Variants in SLC4A11 observed in about 807,000 individuals in gnomAD.
The protein encoded by SLC4A11 is solute carrier family 4 member 11.
Under a neutral mutation model 95.0 loss-of-function variants are expected in SLC4A11, and 74 were observed. That is an observed-to-expected ratio of 0.78 (90% CI 0.65 to 0.95). The LOEUF (loss-of-function observed/expected upper bound fraction) is 0.95, where lower values mean the gene tolerates loss of function less well. SLC4A11 is among the 40% of genes least tolerant of loss of function. The pLI, the probability that SLC4A11 is intolerant of heterozygous loss-of-function variation, is 0.00. For missense variants in SLC4A11, 1,081 were observed against 1,192.4 expected, an observed-to-expected ratio of 0.91 and a Z score of 1.38; for synonymous variants, 548 against 519.0, an observed-to-expected ratio of 1.06 and a Z score of -0.76.
Position 3,237,926 on chromosome 20 carries a change from C to G in SLC4A11, c.44-338G>C, listed in dbSNP as rs1027796830. 1.6e-5 allele frequency: 25 copies of G among 1,550,508 alleles called. No homozygotes were observed. In the African/African-American group the frequency reaches 2.3e-4, roughly 14 times the overall value. On this transcript the variant is annotated intron_variant, in intron 1 of 19. Transcript: ENST00000642402. ...CTAATCCAGGTTTTCCTGAGAAAAC[C>G]CTGCCCCGCTGCAGCGAGAGGAAGG...
chr20:3,237,657 C>G, intron 1 of SLC4A11, 69 bp from the exon 2 acceptor site: 1 of 1,614,088 alleles, frequency 6.2e-7, no homozygotes, highest in Non-Finnish European at 8.5e-7. Flanking sequence ...GCACCTGTCT[C>G]CCCGCCCCCC....
intron 1 of SLC4A11, chr20:3,237,962 G>C (rs1360410530): frequency 1.3e-6 from 2 of 1,550,326 alleles, no homozygotes; most frequent in Non-Finnish European, 1.7e-6. Context: ...GACCGGGCCC[G>C]AGCGGGCCTC....
In SLC4A11 at chr20:3,229,454, T is replaced by A; in HGVS notation, c.1743-2A>T. 1 of 1,613,128 alleles carries A rather than the reference T, an allele frequency of 6.2e-7. No homozygotes were observed. Among genetic ancestry groups the A allele is most frequent in the South Asian group, 1.1e-5 (1 of 91,078 alleles). ...CGCACGCAGGGGTGCAGGTAGGGGCTGGGGACAGCAGGTGCATGAGCACAG... is the reference window on the plus strand; with the variant it reads ...CGCACGCAGGGGTGCAGGTAGGGGCAGGGGACAGCAGGTGCATGAGCACAG... On this transcript the variant is annotated splice_acceptor_variant, in intron 14 of 19. Transcript: ENST00000642402. LOFTEE classifies it high-confidence loss of function.
rs267605889 is a variant in SLC4A11, at chr20:3,229,634, G to A, written c.1632C>T (p.Pro544=). 7 of 1,613,492 alleles carry A rather than the reference G, an allele frequency of 4.3e-6. No individual in the cohort carries two copies. Among genetic ancestry groups the A allele is most frequent in the South Asian group, 1.1e-5 (1 of 91,074 alleles). Residue 544 remains proline, a synonymous_variant, in exon 14 of 20, where the codon CCC becomes CCT. Coordinates refer to ENST00000642402, the MANE Select transcript of SLC4A11 (RefSeq NM_001174089.2). ...AGTGTGTGGCCGAGGGCAGCTCCGTGGGGCTGGCGAGGAAGCTGGCGTTGA... is the reference window on the plus strand; with the variant it reads ...AGTGTGTGGCCGAGGGCAGCTCCGTAGGGCTGGCGAGGAAGCTGGCGTTGA... ...TALNASFLAS[P]TELPSATHSG... is the part of the protein sequence containing the mutation.
rs1425618537 is a variant in SLC4A11 at position 3,237,622 on chromosome 20, G to A, written c.44-34C>T. 3.1e-6 allele frequency: 5 copies of A among 1,613,956 alleles called. No homozygotes were observed. In the East Asian group the frequency reaches 1.1e-4, roughly 36 times the overall value. On this transcript the variant is annotated intron_variant, in intron 1 of 19. Transcript: ENST00000642402. The stretch of plus-strand genomic sequence containing the variant: ...GAAGCAGAAAGGTCACCAGCCCCAT[G>A]GACCAAGCCCTGGACCTCCTGTGTG...
chr20:3,228,305 T>C lies in SLC4A11; in HGVS notation c.2512A>G (p.Met838Val), dbSNP rs373679606. 2.0e-5 allele frequency: 33 copies of C among 1,612,826 alleles called. No individual in the cohort carries two copies. Among genetic ancestry groups the C allele is most frequent in the South Asian group, 1.8e-4 (16 of 91,066 alleles). Residue 838 changes from methionine (M) to valine (V), a missense_variant, in exon 19 of 20, where the codon ATG becomes GTG. Met to Val is a conservative substitution (Grantham distance 21, BLOSUM62 1). Transcript: ENST00000642402. ...ATGATGAGGGGAAAGATCATCTTCA[T>C]GTAGGGCAGGGAGCTCATGCCGAAG... ...CAFGMSSLPY[M>V]KMIFPLIMIA...
In SLC4A11 at chr20:3,229,551, C is replaced by T; in HGVS notation, c.1715G>A (p.Gly572Asp). Residue 572 changes from glycine to aspartate, a missense_variant, in exon 14 of 20, where the codon GGC (glycine) becomes GAC (aspartate). Gly to Asp is a moderately conservative substitution (Grantham distance 94). Coordinates refer to ENST00000642402, the MANE Select transcript of SLC4A11 (RefSeq NM_001174089.2). ...CTTCTTGAATTGGTAGAGGGTGTAG[C>T]CCAGCCAGAGCGTGCCCAGCATGAT... ...LLIMLGTLWL[G>D]YTLYQFKKSP... The T allele has an allele frequency of 6.2e-7, 1 of 1,612,794 alleles. No individual in the cohort carries two copies. Among genetic ancestry groups the T allele is most frequent in the East Asian group, 2.2e-5 (1 of 44,860 alleles).
Position 3,234,375 on chromosome 20 carries a change from G to A in SLC4A11, c.292-61C>T. The A allele has an allele frequency of 6.4e-7, 1 of 1,552,426 alleles. No individual in the cohort carries two copies. Among genetic ancestry groups the A allele is most frequent in the South Asian group, 1.1e-5 (1 of 89,428 alleles). On this transcript the variant is annotated intron_variant, in intron 4 of 19. Coordinates refer to ENST00000642402, the MANE Select transcript of SLC4A11 (RefSeq NM_001174089.2). This position sits in a 1 kb window ranked among gnomAD's most constrained non-coding sequence, Gnocchi z 5.8. ...ATGTATGAGATGCTGTCACTGCCTG[G>A]TCCCTCCCTCCCAGCCAGCCGCAGC...
intron 7 of SLC4A11, among the ~76,000 whole-genome samples, chr20:3,232,408 G>A (rs2067812266): frequency 6.6e-6 from 1 of 152,218 alleles, no homozygotes; most frequent in South Asian, 2.1e-4. Flanking sequence ...TGTAGAAGAG[G>A]CCCGTGCCTG....
Position 3,228,600 on chromosome 20 carries a change from A to C in SLC4A11, c.2300T>G (p.Val767Gly). The C allele has an allele frequency of 6.2e-7, 1 of 1,613,302 alleles. No individual in the cohort carries two copies. Among genetic ancestry groups the C allele is most frequent in the Non-Finnish European group, 8.5e-7 (1 of 1,179,958 alleles). The change falls in exon 18 of 20, where the codon GTG becomes GGG. Residue 767 changes from valine (V) to glycine (G), a missense_variant. By Grantham distance (109) the Val-to-Gly change is moderately radical. Coordinates refer to ENST00000642402, the MANE Select transcript of SLC4A11 (RefSeq NM_001174089.2). ...GATGTAGAGGAAGAGGCCATAGAGC[A>C]CGGGCTTGGGGATCCACTGAAGCGG... ...PVPLQWIPKP[V>G]LYGLFLYIAL...
intron 2 of SLC4A11, among the ~76,000 whole-genome samples, chr20:3,236,844 C>G (rs1317858708): frequency 6.6e-6 from 1 of 152,068 alleles, no homozygotes; most frequent in Non-Finnish European, 1.5e-5. Context: ...GTGCTCAGGT[C>G]CCCTAGATTA....
chr20:3,227,804 C>T lies in SLC4A11; in HGVS notation c.2611G>A (p.Ala871Thr), dbSNP rs769684269. Residue 871 changes from alanine to threonine, a missense_variant, in exon 20 of 20, where the codon GCT becomes ACT. Physicochemically the swap from Ala to Thr is moderately conservative, Grantham distance 58. Around this residue, in one of 3 missense-constraint regions of SLC4A11, gnomAD observed 767 missense variants for 858.0 expected, o/e 0.89. Transcript: ENST00000642402. ...IEAKYLDVMD[A>T]EHRP ...TCTGCCAGTCAAGGCCTGTGCTCAGCGTCCATGACATCCAAGTACTTGGCT... is the reference window on the plus strand; with the variant it reads ...TCTGCCAGTCAAGGCCTGTGCTCAGTGTCCATGACATCCAAGTACTTGGCT... The T allele has an allele frequency of 5.6e-6, 9 of 1,613,054 alleles. No homozygotes were observed. The highest frequency in any genetic ancestry group is 1.6e-4 in the Middle Eastern group (1 of 6,082).
At chr20:3,235,031 A>G in intron 2 of SLC4A11, 137 bp from the exon 3 acceptor site, 1 of 1,031,932 alleles carries the variant, frequency 9.7e-7, no homozygotes, top group Non-Finnish European at 1.5e-6. Flanking sequence ...CCCATAGGCG[A>G]GGAAGGCAGC....
At position 3,233,544 on chromosome 20, in the gene SLC4A11, G is replaced by A. The variant is rs759120547; in HGVS notation, c.699C>T (p.Phe233=). The part of the protein sequence containing the change: ...NWGENSCEVR[F]VILVLAPPKM... ...TGGGTGGGGCCAGCACCAGGATGAC[G>A]AACCGAACCTCACAGGAATTCTCCC... Residue 233 remains phenylalanine, a synonymous_variant, in exon 7 of 20, where the codon TTC becomes TTT. Coordinates refer to ENST00000642402, the MANE Select transcript of SLC4A11 (RefSeq NM_001174089.2). The A allele has an allele frequency of 8.7e-6, 14 of 1,613,712 alleles. No individual in the cohort carries two copies. Among genetic ancestry groups the A allele is most frequent in the East Asian group, 2.2e-5 (1 of 44,858 alleles).
chr20:3,229,742 G>A lies in SLC4A11; in HGVS notation c.1524C>T (p.Asp508=), dbSNP rs747443468. Residue 508 remains aspartate, a synonymous_variant, in exon 14 of 20, where the codon GAC becomes GAT. Coordinates refer to ENST00000642402, the MANE Select transcript of SLC4A11 (RefSeq NM_001174089.2). ...ATGAAGTCCTTTTTGTGTGATAGTC[G>A]TCCAAGTAATGCCCATAGTAGTACT... ...FWKYYYGHYL[D]DYHTKRTSSL... is the part of the protein sequence containing the mutation. 3.1e-6 allele frequency: 5 copies of A among 1,613,882 alleles called. No individual in the cohort carries two copies. The highest frequency in any genetic ancestry group is 4.5e-5 in the East Asian group (2 of 44,894).
chr20:3,233,895 G>C (rs374045564), intron 6 of SLC4A11, 26 bp downstream of exon 6: 3 of 1,610,446 alleles, frequency 1.9e-6, no homozygotes, highest in Non-Finnish European at 8.5e-7. Context: ...CGACAAGAAG[G>C]GGGGCCAAGT....
At position 3,238,814 on chromosome 20, in the gene SLC4A11, G is replaced by T. The variant is rs867437695; in HGVS notation, c.43+281C>A. 69 of 1,167,530 alleles carry T rather than the reference G, an allele frequency of 5.9e-5. 1 individual carries two copies. The African/African-American group carries it at 8.3e-4, about 14-fold the overall frequency. 72.3% of individuals were successfully genotyped at this position (1,167,530 alleles called of 1,614,324 possible). A position where few individuals can be genotyped will look rare whatever the true frequency, so the allele number is the denominator to read the frequency against. ...CGCCCTGCCCACTTTCGAGCTCCCC[G>T]CCCTCGACCCGCTGCATCAGCTGTT... On this transcript the variant is annotated intron_variant, in intron 1 of 19. Coordinates refer to ENST00000642402, the MANE Select transcript of SLC4A11 (RefSeq NM_001174089.2).
chr20:3,228,154 A>AT, intron 19 of SLC4A11, 105 bp downstream of exon 19: 1 of 122,236 alleles, frequency 8.2e-6, no homozygotes, highest in Non-Finnish European at 1.6e-5. Context: ...CAACCCGCCC[A>AT]TTCTCCGCCC....
chr20:3,233,820 C>CCCA, intron 6 of SLC4A11, 101 bp downstream of exon 6: 5 of 1,526,736 alleles, frequency 3.3e-6, no homozygotes, highest in Non-Finnish European at 4.5e-6. Context: ...CCGCCAGAGC[C>CCCA]CCAGGACTCA....
Sources: allele counts gnomAD v4.1 joint callset (sites outside exome capture counted in the v4.1 genomes callset), GRCh38; gene constraint gnomAD v4.1.1; regional missense constraint gnomAD v4.1.1; non-coding constraint Gnocchi (gnomAD v3.1); transcripts MANE v1.5; gene names NCBI Gene and HGNC (gene_info 2026-07-23, HGNC 2026-07-21).